ASCC3: variants seen among roughly 807,000 people sequenced by gnomAD.
ASCC3 encodes the protein ASC-1 complex subunit P200.
ASCC3 carries 158 observed loss-of-function variants against 256.3 expected under a neutral mutation model. The ratio of observed to expected loss-of-function variants is 0.62; its 90% CI spans 0.54 to 0.70. The LOEUF is 0.70. Among genes scored for constraint, ASCC3 ranks in the 30% least tolerant of loss-of-function variants. The pLI is 0.00. For missense variants in ASCC3, 2,259 were observed against 2,626.0 expected (o/e 0.86, Z 3.05); for synonymous variants, 948 against 883.4 (o/e 1.07, Z -1.30).
chr6:100,660,110 C>A (rs2114928514), intron 16 of ASCC3, among the ~76,000 whole-genome samples: 1 of 151,490 alleles, frequency 6.6e-6, no homozygotes, highest in East Asian at 1.9e-4. Context: ...GAGAAGAGGG[C>A]AAATGCTATA....
chr6:100,718,510 G>T (rs945734167), intron 11 of ASCC3, among the ~76,000 whole-genome samples: 4 of 151,948 alleles, frequency 2.6e-5, no homozygotes, highest in Non-Finnish European at 5.9e-5. Flanking sequence ...TGTAATCCCA[G>T]CACTTTGGGA....
At chr6:100,847,721 G>A (rs535166851) in intron 4 of ASCC3, among the ~76,000 whole-genome samples, 3 of 152,246 alleles carry the variant, frequency 2.0e-5, no homozygotes, top group Admixed American at 6.5e-5. Context: ...GAGCTTCTGA[G>A]AGATTAAGTT....
chr6:100,880,821 C>T (rs1273053946), intron 1 of ASCC3, among the ~76,000 whole-genome samples: 1 of 152,200 alleles, frequency 6.6e-6, no homozygotes, highest in African/African-American at 2.4e-5. Context: ...CAATATGTAG[C>T]TTAGGTTAAG....
In ASCC3 at chr6:100,766,705, T is replaced by C. The variant is rs1267578613; in HGVS notation, c.1597A>G (p.Ile533Val). The C allele has an allele frequency of 1.2e-6, 2 of 1,613,878 alleles. No individual in the cohort carries two copies. Among genetic ancestry groups the C allele is most frequent in the Non-Finnish European group, 1.7e-6 (2 of 1,179,930 alleles). Residue 533 changes from isoleucine to valine, a missense_variant and splice_region_variant, in exon 10 of 42, where the codon ATT becomes GTT. Physicochemically the swap from Ile to Val is conservative, Grantham distance 29 (BLOSUM62 3). Coordinates refer to ENST00000369162, the MANE Select transcript of ASCC3 (RefSeq NM_006828.4). ...QGVIKKNEFK[I>V]VYVAPMKALA... ...GCTTTCATTGGAGCAACATATACAA[T>C]CTATACCAAAGGAACACTAGCTTGA...
chr6:100,734,457 A>G (rs896853908), intron 10 of ASCC3, among the ~76,000 whole-genome samples: 11 of 152,162 alleles, frequency 7.2e-5, no homozygotes, highest in Non-Finnish European at 1.6e-4. Context: ...TAGTCTGAGT[A>G]CCTGCCATGG....
chr6:100,659,896 T>C (rs1021671770), intron 16 of ASCC3, among the ~76,000 whole-genome samples: 6 of 151,696 alleles, frequency 4.0e-5, no homozygotes, highest in African/African-American at 1.4e-4. Flanking sequence ...TCACCTTACA[T>C]ACTACATACA....
intron 16 of ASCC3, among the ~76,000 whole-genome samples, chr6:100,658,433 A>C (rs969528729): frequency 2.0e-5 from 3 of 151,434 alleles, no homozygotes; most frequent in Admixed American, 1.3e-4. Flanking sequence ...TCTAATCATC[A>C]TGAGTATGCA....
intron 11 of ASCC3, among the ~76,000 whole-genome samples, chr6:100,719,284 C>G (rs1779215834): frequency 6.6e-6 from 1 of 151,982 alleles, no homozygotes; most frequent in South Asian, 2.1e-4. Flanking sequence ...CAAACCAAAT[C>G]CCATCAAAAG....
At chr6:100,875,274 C>T (rs1356667223) in intron 1 of ASCC3, among the ~76,000 whole-genome samples, 1 of 152,140 alleles carries the variant, frequency 6.6e-6, no homozygotes, top group Non-Finnish European at 1.5e-5. Flanking sequence ...GAGCAGGACA[C>T]TCAAATTTCT....
intron 13 of ASCC3, among the ~76,000 whole-genome samples, chr6:100,695,451 C>A (rs1778038658): frequency 6.6e-6 from 1 of 152,106 alleles, no homozygotes; most frequent in Non-Finnish European, 1.5e-5. Context: ...GTAATCCTCC[C>A]TGAAATTTCT....
chr6:100,860,712 C>G (rs190522887), intron 3 of ASCC3, among the ~76,000 whole-genome samples: 1 of 152,034 alleles, frequency 6.6e-6, no homozygotes, highest in East Asian at 1.9e-4. Context: ...AATTATGAAA[C>G]AAGTACTCTA....
At position 100,799,290 on chromosome 6, in the gene ASCC3, T is replaced by C. The variant is rs1040611192; in HGVS notation, c.1269+141A>G. On this transcript the variant is annotated intron_variant, in intron 7 of 41. Transcript: ENST00000369162. The stretch of plus-strand genomic sequence containing the variant: ...GTCAGGAGCTTTACATACACCACAT[T>C]ATGTCATTTTCCCCAATACTTTAAA... 43 of 888,902 alleles carry C rather than the reference T, an allele frequency of 4.8e-5. No homozygotes were observed. In the East Asian group the frequency reaches 1.1e-3, roughly 23 times the overall value. The allele number at this position is 888,902 out of a possible 1,614,324, so 55.1% of individuals were successfully genotyped here.
chr6:100,637,518 C>T (rs1774900823), intron 25 of ASCC3, among the ~76,000 whole-genome samples: 1 of 152,072 alleles, frequency 6.6e-6, no homozygotes, highest in Non-Finnish European at 1.5e-5. Context: ...TTTGGCTTTC[C>T]TATCCTTTTA....
chr6:100,509,625 G>A, intron 41 of ASCC3, 92 bp from the exon 42 acceptor site: 1 of 1,286,176 alleles, frequency 7.8e-7, no homozygotes, highest in African/African-American at 1.5e-5. Flanking sequence ...AGGAGGCTGG[G>A]TGCGGTGGCT....
chr6:100,854,667 C>T (rs1772851744), intron 3 of ASCC3, among the ~76,000 whole-genome samples: 1 of 152,138 alleles, frequency 6.6e-6, no homozygotes, highest in Non-Finnish European at 1.5e-5. Flanking sequence ...TTTAAGGCAG[C>T]AACCAGCCAC....
chr6:100,625,396 T>G, intron 29 of ASCC3, 62 bp from the exon 30 acceptor site: 1 of 1,569,614 alleles, frequency 6.4e-7, no homozygotes, highest in Non-Finnish European at 8.8e-7. Flanking sequence ...TGAATTTCAT[T>G]AGGATATCAA....
intron 13 of ASCC3, among the ~76,000 whole-genome samples, chr6:100,696,769 TTAGG>T (rs1487776092): frequency 6.6e-6 from 1 of 151,984 alleles, no homozygotes; most frequent in Non-Finnish European, 1.5e-5. Context: ...TGTATACAAG[TTAGG>T]TTTCATTTTT....
At chr6:100,717,822 T>C (rs866293163) in intron 12 of ASCC3, among the ~76,000 whole-genome samples, 2 of 152,114 alleles carry the variant, frequency 1.3e-5, no homozygotes, top group Non-Finnish European at 2.9e-5. Flanking sequence ...GTAACATACA[T>C]GGAAAACACC....
intron 25 of ASCC3, among the ~76,000 whole-genome samples, chr6:100,634,267 C>T (rs1774711711): frequency 6.6e-6 from 1 of 152,158 alleles, no homozygotes; most frequent in African/African-American, 2.4e-5. Flanking sequence ...CAATATCCTT[C>T]TTCTAGCTAT....
Sources: allele counts gnomAD v4.1 joint callset (sites outside exome capture counted in the v4.1 genomes callset), GRCh38; gene constraint gnomAD v4.1.1; transcripts MANE v1.5; gene names NCBI Gene and HGNC (gene_info 2026-07-23, HGNC 2026-07-21).